The following FRAS1 variants were observed in gnomAD, a reference collection of about 807,000 sequenced individuals.
The protein encoded by FRAS1 is extracellular matrix organizing protein FRAS1.
In FRAS1, 290 loss-of-function variants were observed where a neutral mutation model predicts 435.2. The observed-to-expected ratio is 0.67, with a 90% CI of 0.61 to 0.73. FRAS1 has a LOEUF of 0.73. Among genes scored for constraint, FRAS1 ranks in the 30% least tolerant of loss-of-function variants. The pLI is 0.00. For synonymous variants in FRAS1, 1,800 were observed against 1,851.0 expected (o/e 0.97, Z 0.71); for missense variants, 4,860 against 5,001.5 (o/e 0.97, Z 0.85).
At chr4:78,254,682 G>A (rs946880046) in intron 5 of FRAS1, among the ~76,000 whole-genome samples, 15 of 151,966 alleles carry the variant, frequency 9.9e-5, no homozygotes, top group African/African-American at 3.6e-4. Flanking sequence ...GATCAACTGG[G>A]GCCAACAACA....
rs149211387 is a variant in FRAS1 at position 78,419,405 on chromosome 4, A to T, written c.4540+342A>T. On this transcript the variant is annotated intron_variant, in intron 33 of 73. Transcript: ENST00000512123. Reference sequence around the variant, plus strand: ...TCTCTGTAGGATCAGAGCCTGCCCTAGTAAGGTTATGACAGGAGAAAGGAC... The same window carrying T: ...TCTCTGTAGGATCAGAGCCTGCCCTTGTAAGGTTATGACAGGAGAAAGGAC... Among the ~76,000 whole-genome samples, 105 of 152,324 alleles carry T rather than the reference A, an allele frequency of 6.9e-4. 1 individual carries two copies. In the Middle Eastern group the frequency reaches 0.024, roughly 35 times the overall value.
chr4:78,207,339 C>T (rs1723305200), intron 2 of FRAS1, among the ~76,000 whole-genome samples: 1 of 152,120 alleles, frequency 6.6e-6, no homozygotes, highest in African/African-American at 2.4e-5. Flanking sequence ...TAAATTAGAA[C>T]CTGTGATTAC....
intron 2 of FRAS1, among the ~76,000 whole-genome samples, chr4:78,114,299 C>T (rs539947453): frequency 6.6e-6 from 1 of 152,256 alleles, no homozygotes; most frequent in Admixed American, 6.5e-5. Flanking sequence ...TTAGGATTGA[C>T]TTGGCAATGC....
At chr4:78,073,766 T>C (rs1157220310) in intron 2 of FRAS1, among the ~76,000 whole-genome samples, 2 of 152,224 alleles carry the variant, frequency 1.3e-5, no homozygotes, top group Non-Finnish European at 2.9e-5. Context: ...AGCCAGCTTA[T>C]GTTTTTCTGA....
chr4:78,246,399 G>A (rs1379023065), intron 4 of FRAS1, among the ~76,000 whole-genome samples: 28 of 152,032 alleles, frequency 1.8e-4, no homozygotes, highest in Non-Finnish European at 4.4e-5. Context: ...TATCTTACTC[G>A]AGCCACTGTT....
chr4:78,221,846 G>A (rs1378602203), intron 2 of FRAS1, among the ~76,000 whole-genome samples: 1 of 152,184 alleles, frequency 6.6e-6, no homozygotes, highest in Non-Finnish European at 1.5e-5. Flanking sequence ...TGTCAGTCAT[G>A]GGGCCAAAAA....
intron 2 of FRAS1, among the ~76,000 whole-genome samples, chr4:78,189,593 G>A (rs569898923): frequency 3.9e-5 from 6 of 152,314 alleles, no homozygotes; most frequent in Middle Eastern, 3.4e-3. Flanking sequence ...TTTTAGGGAT[G>A]TAGGCCTTCT....
At chr4:78,096,949 C>G (rs1029568376) in intron 2 of FRAS1, among the ~76,000 whole-genome samples, 1 of 152,196 alleles carries the variant, frequency 6.6e-6, no homozygotes. Flanking sequence ...TCTTTTCTAT[C>G]GCATTGTCAG....
intron 47 of FRAS1, among the ~76,000 whole-genome samples, chr4:78,463,503 A>G (rs1037208166): frequency 2.0e-5 from 3 of 152,210 alleles, no homozygotes; most frequent in Admixed American, 6.5e-5. Flanking sequence ...GTTAAAAAGA[A>G]CCTTGAAGAA....
rs978774216 is a variant in FRAS1, at chr4:78,537,078, C to G, written c.11176C>G (p.Leu3726Val). The G allele has an allele frequency of 5.6e-6, 9 of 1,613,902 alleles. No homozygotes were observed. Among genetic ancestry groups the G allele is most frequent in the Non-Finnish European group, 1.7e-6 (2 of 1,179,876 alleles). The change falls in exon 72 of 74, where the codon CTT (leucine) becomes GTT (valine). Residue 3726 changes from leucine to valine, a missense_variant. Physicochemically the swap from Leu to Val is conservative, Grantham distance 32. Transcript: ENST00000512123. Reference protein sequence around the residue: ...AYKLQLEKVYLCTGKDGYVPF... With the variant: ...AYKLQLEKVYVCTGKDGYVPF... The stretch of plus-strand genomic sequence containing the variant: ...CAAACTCCAGCTGGAGAAAGTCTAT[C>G]TTTGTACGGGCAAGGATGGTTATGT...
At chr4:78,155,894 A>T (rs1411110390) in intron 2 of FRAS1, among the ~76,000 whole-genome samples, 1 of 152,042 alleles carries the variant, frequency 6.6e-6, no homozygotes, top group Non-Finnish European at 1.5e-5. Context: ...CTCATTTTTC[A>T]TCAGGGAGAT....
chr4:78,513,055 G>C (rs946552861), intron 64 of FRAS1, among the ~76,000 whole-genome samples: 6 of 152,202 alleles, frequency 3.9e-5, no homozygotes, highest in Non-Finnish European at 7.3e-5. Flanking sequence ...TAGTCACTCA[G>C]CTTTAGCTCC....
At chr4:78,275,061 T>C (rs1426798877) in intron 9 of FRAS1, among the ~76,000 whole-genome samples, 1 of 152,164 alleles carries the variant, frequency 6.6e-6, no homozygotes, top group Non-Finnish European at 1.5e-5. Flanking sequence ...CCCTTTACCA[T>C]TATGTAATGG....
At chr4:78,105,902 G>T in intron 2 of FRAS1, among the ~76,000 whole-genome samples, 1 of 136,516 alleles carries the variant, frequency 7.3e-6, no homozygotes, top group African/African-American at 2.8e-5. Flanking sequence ...CACCGTGCGC[G>T]AGCCGAAGCA....
In FRAS1 at chr4:78,334,362, T is replaced by TC. The variant is rs1414678803; in HGVS notation, c.2278+951dup. On this transcript the variant is annotated intron_variant, in intron 19 of 73. Transcript: ENST00000512123. ...CAAAACATAAAGTCATAACCAATTT[T>TC]CTTTTTTTTTTTTTTTTTTTTTTTT... Among the ~76,000 whole-genome samples the TC allele has an allele frequency of 2.8e-5, 4 of 140,688 alleles. No individual in the cohort carries two copies. In the East Asian group the frequency reaches 8.2e-4, roughly 29 times the overall value. 92.3% of individuals were successfully genotyped at this position (140,688 alleles called of 152,430 possible). A position where few individuals can be genotyped will look rare whatever the true frequency, so the allele number is the denominator to read the frequency against.
In FRAS1 at chr4:78,448,041, C is replaced by G; in HGVS notation, c.6011-12C>G. 1 of 1,580,422 alleles carries G rather than the reference C, an allele frequency of 6.3e-7. No individual in the cohort carries two copies. The highest frequency in any genetic ancestry group is 8.6e-7 in the Non-Finnish European group (1 of 1,161,814). ...CTACCATTGTTTTGCTTTTCTTTAC[C>G]TCTTCCCTCAGGTCATGTACTCTGG... is the stretch of plus-strand genomic sequence containing the variant. On this transcript the variant is annotated splice_polypyrimidine_tract_variant and intron_variant, in intron 43 of 73. Coordinates refer to ENST00000512123, the MANE Select transcript of FRAS1 (RefSeq NM_025074.7).
intron 49 of FRAS1, 90 bp from the exon 50 acceptor site, chr4:78,466,118 T>C (rs1289955810): frequency 1.0e-6 from 1 of 990,574 alleles, no homozygotes; most frequent in Non-Finnish European, 1.6e-6. Context: ...CTTTGGGTTC[T>C]ACTACCCTTG....
At chr4:78,445,025 TAC>T (rs1251864936) in intron 41 of FRAS1, among the ~76,000 whole-genome samples, 6 of 152,246 alleles carry the variant, frequency 3.9e-5, no homozygotes, top group Non-Finnish European at 8.8e-5. Flanking sequence ...GATTAAAAGA[TAC>T]ACAGTTAACA....
intron 2 of FRAS1, among the ~76,000 whole-genome samples, chr4:78,232,677 C>A (rs921193743): frequency 1.3e-5 from 2 of 152,192 alleles, no homozygotes; most frequent in Non-Finnish European, 2.9e-5. Flanking sequence ...TGACATTCAA[C>A]ATTATAAAGA....
Sources: gnomAD v4.1 joint callset for allele counts (sites outside exome capture counted in the v4.1 genomes callset) on GRCh38, gnomAD v4.1.1 for gene constraint, MANE v1.5 for transcripts, NCBI Gene and HGNC (gene_info 2026-07-23, HGNC 2026-07-21) for gene names.